Variants in COBL observed in about 807,000 individuals in gnomAD.
The protein encoded by COBL is protein cordon-bleu.
In COBL, 51 loss-of-function variants were observed where a neutral mutation model predicts 98.8. The ratio of observed to expected loss-of-function variants is 0.52; its 90% CI spans 0.41 to 0.65. The LOEUF (loss-of-function observed/expected upper bound fraction) is 0.65, where lower values mean the gene tolerates loss of function less well. Ranked by LOEUF, COBL falls within the 30% of genes least tolerant of loss-of-function variation. The pLI is 0.00. For synonymous variants in COBL, 634 were observed against 651.7 expected, an observed-to-expected ratio of 0.97 and a Z score of 0.41; for missense variants, 1,617 against 1,617.5, an observed-to-expected ratio of 1.00 and a Z score of 0.01.
At chr7:51,144,092 C>T (rs1784804584) in intron 5 of COBL, among the ~76,000 whole-genome samples, 1 of 152,178 alleles carries the variant, frequency 6.6e-6, no homozygotes. Flanking sequence ...CTGTCCCAGG[C>T]TAGCAGAAGT....
intron 1 of COBL, among the ~76,000 whole-genome samples, chr7:51,236,461 C>T (rs1052159965): frequency 6.6e-6 from 1 of 152,178 alleles, no homozygotes; most frequent in Non-Finnish European, 1.5e-5. Flanking sequence ...CCCATTCACT[C>T]CTGGTGAAGG....
At chr7:51,272,034 A>G (rs1209624937) in intron 1 of COBL, among the ~76,000 whole-genome samples, 2 of 152,220 alleles carry the variant, frequency 1.3e-5, no homozygotes, top group Admixed American at 6.5e-5. Context: ...CTCAATATAA[A>G]TAAATAAATA....
At chr7:51,108,052 T>C (rs1446352782) in intron 6 of COBL, among the ~76,000 whole-genome samples, 2 of 152,126 alleles carry the variant, frequency 1.3e-5, no homozygotes, top group African/African-American at 4.8e-5. Context: ...TGCCTACATG[T>C]TTCCATCCTG....
chr7:51,296,496 C>T (rs1801429083), intron 1 of COBL, among the ~76,000 whole-genome samples: 1 of 151,918 alleles, frequency 6.6e-6, no homozygotes, highest in African/African-American at 2.4e-5. Context: ...TGCTTTTTTA[C>T]CAAAGTTAAC....
At chr7:51,164,918 G>C (rs1188227315) in intron 5 of COBL, among the ~76,000 whole-genome samples, 2 of 151,914 alleles carry the variant, frequency 1.3e-5, no homozygotes, top group Non-Finnish European at 2.9e-5. Flanking sequence ...TTGCTTATTT[G>C]TTTATGCAGC....
rs143162416 is a variant in COBL at position 51,221,810 on chromosome 7, G to A, written c.42-1866C>T. The stretch of plus-strand genomic sequence containing the variant: ...ATGAAAGAGGTCATTTAAAACGACA[G>A]CAAAAGTGATTAGATGAGGCTGTAA... On this transcript the variant is annotated intron_variant, in intron 1 of 12. Transcript: ENST00000265136. Among the ~76,000 whole-genome samples, 515 of 152,348 alleles carry A rather than the reference G, an allele frequency of 3.4e-3. 1 individual carries two copies. The highest frequency in any genetic ancestry group is 0.012 in the African/African-American group (498 of 41,590).
intron 5 of COBL, among the ~76,000 whole-genome samples, chr7:51,153,632 T>C (rs777593775): frequency 5.9e-5 from 9 of 152,210 alleles, no homozygotes; most frequent in African/African-American, 2.2e-4. Context: ...TGACTGCTGA[T>C]AGCCAGTGAA....
At chr7:51,130,409 C>T (rs1046819830) in intron 6 of COBL, among the ~76,000 whole-genome samples, 2 of 152,166 alleles carry the variant, frequency 1.3e-5, no homozygotes, top group Non-Finnish European at 2.9e-5. Context: ...CCACCACAAG[C>T]CATGTGATAA....
chr7:51,166,454 C>T (rs1251501649), intron 5 of COBL, among the ~76,000 whole-genome samples: 1 of 151,898 alleles, frequency 6.6e-6, no homozygotes, highest in Non-Finnish European at 1.5e-5. Context: ...ATATTGAAGC[C>T]ATAATAAAAA....
chr7:51,203,372 G>C (rs1791338390), intron 2 of COBL, among the ~76,000 whole-genome samples: 1 of 120,574 alleles, frequency 8.3e-6, no homozygotes, highest in Non-Finnish European at 1.7e-5. Context: ...TGAGGCAGGA[G>C]AATGGCGTGA....
rs182970151 is a variant in COBL, at chr7:51,154,568, G to A, written c.784-18237C>T. ...GCTTCTCTTTCATCAGCCTCTGTAC[G>A]AATAACTCCCGGTGGGATGTGGGCA... On this transcript the variant is annotated intron_variant, in intron 5 of 12. Transcript: ENST00000265136. Among the ~76,000 whole-genome samples the A allele has an allele frequency of 7.9e-5, 12 of 152,244 alleles. No individual in the cohort carries two copies. The East Asian group carries it at 1.2e-3, about 15-fold the overall frequency.
At chr7:51,294,031 C>T (rs949677838) in intron 1 of COBL, among the ~76,000 whole-genome samples, 1 of 152,168 alleles carries the variant, frequency 6.6e-6, no homozygotes, top group African/African-American at 2.4e-5. Context: ...TGGCTCATGC[C>T]TATAATCTCA....
chr7:51,157,464 G>A (rs1395068144), intron 5 of COBL, among the ~76,000 whole-genome samples: 1 of 152,194 alleles, frequency 6.6e-6, no homozygotes, highest in African/African-American at 2.4e-5. Flanking sequence ...TGAGGGCAGG[G>A]GGTTGGCCTG....
At chr7:51,162,009 C>T (rs781756791) in intron 5 of COBL, among the ~76,000 whole-genome samples, 2 of 152,274 alleles carry the variant, frequency 1.3e-5, no homozygotes, top group African/African-American at 4.8e-5. Context: ...TTGTCTCATC[C>T]GTTAGCACAG....
intron 7 of COBL, among the ~76,000 whole-genome samples, chr7:51,053,718 C>A (rs966292668): frequency 6.6e-6 from 1 of 152,214 alleles, no homozygotes; most frequent in African/African-American, 2.4e-5. Flanking sequence ...AGGTGCCTCC[C>A]CACCTGGCAC....
chr7:51,224,695 T>C (rs1794012750), intron 1 of COBL, among the ~76,000 whole-genome samples: 1 of 152,124 alleles, frequency 6.6e-6, no homozygotes, highest in African/African-American at 2.4e-5. Context: ...TTTTTTCTTT[T>C]TTTGAGATGG....
chr7:51,093,938 T>C (rs1403363490), intron 6 of COBL, among the ~76,000 whole-genome samples: 1 of 151,326 alleles, frequency 6.6e-6, no homozygotes, highest in African/African-American at 2.4e-5. Flanking sequence ...AGAATTACCC[T>C]AAGTGGCAAT....
intron 1 of COBL, among the ~76,000 whole-genome samples, chr7:51,309,989 AG>A (rs893642276): frequency 6.6e-6 from 1 of 152,256 alleles, no homozygotes; most frequent in African/African-American, 2.4e-5. Flanking sequence ...AAAGCTCTCC[AG>A]GCCAAGGTGA....
At position 51,016,860 on chromosome 7, in the gene COBL, G is replaced by T; in HGVS notation, c.*691C>A. The T allele has an allele frequency of 2.5e-6, 1 of 398,550 alleles. No individual in the cohort carries two copies. The highest frequency in any genetic ancestry group is 1.3e-4 in the South Asian group (1 of 7,662). 24.7% of individuals were successfully genotyped at this position (398,550 alleles called of 1,614,324 possible). Reference sequence around the variant, plus strand: ...GCCACCCGCCACCCTTGCAGGACTCGGGCATGCCCTGGCCACATGATCACG... The same window carrying T: ...GCCACCCGCCACCCTTGCAGGACTCTGGCATGCCCTGGCCACATGATCACG... On this transcript the variant is annotated 3_prime_UTR_variant, in exon 13 of 13. Transcript: ENST00000265136.
Sources: allele counts gnomAD v4.1 joint callset (sites outside exome capture counted in the v4.1 genomes callset), GRCh38; gene constraint gnomAD v4.1.1; transcripts MANE v1.5; gene names NCBI Gene and HGNC (gene_info 2026-07-23, HGNC 2026-07-21).